CHRM2: variants seen among roughly 807,000 people sequenced by gnomAD.
The protein encoded by CHRM2 is muscarinic acetylcholine receptor M2.
Under a neutral mutation model 25.0 loss-of-function variants are expected in CHRM2, and 8 were observed. That is an observed-to-expected ratio of 0.32 (90% confidence interval 0.19 to 0.58). CHRM2 has a LOEUF of 0.58. Among genes scored for constraint, CHRM2 ranks in the 20% least tolerant of loss-of-function variants. The pLI, the probability that CHRM2 is intolerant of heterozygous loss-of-function variation, is 0.88. For synonymous variants in CHRM2, 202 were observed against 205.7 expected (o/e 0.98, Z 0.15); for missense variants, 440 against 567.1 (o/e 0.78, Z 2.28).
At chr7:137,008,669 G>T (rs78771438) in intron 3 of CHRM2, among the ~76,000 whole-genome samples, 2 of 152,028 alleles carry the variant, frequency 1.3e-5, no homozygotes, top group African/African-American at 4.8e-5. Flanking sequence ...TAGGAAGCAT[G>T]TATACTAAGA....
At chr7:136,919,800 C>T (rs1031701190) in intron 2 of CHRM2, among the ~76,000 whole-genome samples, 1 of 152,136 alleles carries the variant, frequency 6.6e-6, no homozygotes, top group South Asian at 2.1e-4. Context: ...CACTAAGCTT[C>T]TTCTGACTTG....
intron 2 of CHRM2, among the ~76,000 whole-genome samples, chr7:136,897,697 G>GGA (rs1554411548): frequency 3.4e-5 from 5 of 148,090 alleles, no homozygotes; most frequent in South Asian, 2.1e-4. Context: ...ACAGTCATGG[G>GGA]AAAAAAAAAA....
intron 2 of CHRM2, among the ~76,000 whole-genome samples, chr7:136,900,168 C>T (rs945922874): frequency 1.3e-5 from 2 of 152,050 alleles, no homozygotes; most frequent in Admixed American, 6.6e-5. Context: ...CTGATACTAT[C>T]ATCACCACCA....
At chr7:136,921,855 C>T (rs1278725771) in intron 2 of CHRM2, among the ~76,000 whole-genome samples, 1 of 149,904 alleles carries the variant, frequency 6.7e-6, no homozygotes, top group African/African-American at 2.4e-5. Context: ...CATATCTGCT[C>T]ACTGCAACCT....
rs556131186 is a variant in CHRM2 at position 136,956,824 on chromosome 7, A to C, written c.-124-35363A>C. Among the ~76,000 whole-genome samples the C allele has an allele frequency of 5.5e-3, 479 of 86,418 alleles. 2 individuals carry two copies. The highest frequency in any genetic ancestry group is 9.8e-3 in the Non-Finnish European group (362 of 36,994). 56.7% of individuals were successfully genotyped at this position (86,418 alleles called of 152,430 possible). A position where few individuals can be genotyped will look rare whatever the true frequency, so the allele number is the denominator to read the frequency against. ...CAGGGAGGGGGAATGGGATCATATG[A>C]AGGTTTTTTTTTTCCTCTCTCTCTT... On this transcript the variant is annotated intron_variant, in intron 2 of 3. Transcript: ENST00000680005.
At chr7:136,887,269 T>C (rs1351007941) in intron 2 of CHRM2, among the ~76,000 whole-genome samples, 1 of 152,122 alleles carries the variant, frequency 6.6e-6, no homozygotes, top group Non-Finnish European at 1.5e-5. Flanking sequence ...ATTTTAAAAA[T>C]GCTTTGCTTA....
chr7:136,917,125 C>A (rs972154386), intron 2 of CHRM2, among the ~76,000 whole-genome samples: 4 of 150,904 alleles, frequency 2.7e-5, no homozygotes, highest in Admixed American at 2.0e-4. Flanking sequence ...TTTTTACATA[C>A]AACTCAGTGA....
intron 3 of CHRM2, among the ~76,000 whole-genome samples, chr7:136,998,650 C>T (rs1374175164): frequency 6.6e-6 from 1 of 152,122 alleles, no homozygotes; most frequent in African/African-American, 2.4e-5. Flanking sequence ...TTTAATATCA[C>T]ATGCACATGC....
chr7:136,904,451 TTC>T (rs1259833360), intron 2 of CHRM2, among the ~76,000 whole-genome samples: 5 of 151,918 alleles, frequency 3.3e-5, no homozygotes, highest in Non-Finnish European at 2.9e-5. Context: ...GTGCATATGA[TTC>T]TGTTAAAATA....
chr7:136,938,534 G>A, intron 2 of CHRM2: 1 of 929,350 alleles, frequency 1.1e-6, no homozygotes. Context: ...TTGATTGACC[G>A]TGACTGCAGT....
At chr7:136,986,943 A>AT (rs1802896746) in intron 2 of CHRM2, among the ~76,000 whole-genome samples, 1 of 152,058 alleles carries the variant, frequency 6.6e-6, no homozygotes, top group African/African-American at 2.4e-5. Flanking sequence ...TTATTAACTT[A>AT]TTTTTCTACC....
At chr7:136,922,119 C>A (rs1019283524) in intron 2 of CHRM2, among the ~76,000 whole-genome samples, 26 of 152,144 alleles carry the variant, frequency 1.7e-4, no homozygotes, top group African/African-American at 6.0e-4. Flanking sequence ...CCTCAACTGA[C>A]CCCTGGGAGA....
chr7:136,965,842 A>G (rs1353133660), intron 2 of CHRM2, among the ~76,000 whole-genome samples: 1 of 152,032 alleles, frequency 6.6e-6, no homozygotes, highest in Non-Finnish European at 1.5e-5. Flanking sequence ...GAATGTTGGA[A>G]TAATTAGAAT....
chr7:137,003,119 C>A (rs151276618), intron 3 of CHRM2, among the ~76,000 whole-genome samples: 1 of 152,036 alleles, frequency 6.6e-6, no homozygotes, highest in African/African-American at 2.4e-5. Context: ...TAACTGGGTA[C>A]GAAGTTATGG....
intron 2 of CHRM2, among the ~76,000 whole-genome samples, chr7:136,941,556 G>A (rs535556944): frequency 7.9e-5 from 12 of 152,250 alleles, no homozygotes; most frequent in African/African-American, 2.9e-4. Flanking sequence ...TTTCTTTCAC[G>A]CAGCCGAGAG....
At chr7:136,939,570 TTACAA>T (rs955527464) in intron 2 of CHRM2, among the ~76,000 whole-genome samples, 30 of 152,230 alleles carry the variant, frequency 2.0e-4, no homozygotes, top group African/African-American at 7.2e-4. Context: ...ACTTTCCTCT[TTACAA>T]TAAGATTCTG....
intron 2 of CHRM2, among the ~76,000 whole-genome samples, chr7:136,879,819 C>T (rs1796191887): frequency 6.6e-6 from 1 of 151,908 alleles, no homozygotes; most frequent in South Asian, 2.1e-4. Flanking sequence ...ATAAATTTAT[C>T]ATCTAGCATT....
chr7:136,942,045 C>A (rs959222233), intron 2 of CHRM2, among the ~76,000 whole-genome samples: 10 of 152,096 alleles, frequency 6.6e-5, no homozygotes, highest in Admixed American at 5.9e-4. Flanking sequence ...ACCTGTTCAG[C>A]CTGTAGAGTT....
At chr7:136,897,903 G>C (rs1796992040) in intron 2 of CHRM2, among the ~76,000 whole-genome samples, 1 of 151,964 alleles carries the variant, frequency 6.6e-6, no homozygotes, top group Non-Finnish European at 1.5e-5. Flanking sequence ...AATTCTAAAT[G>C]TCATCTCTAT....
Sources: gnomAD v4.1 joint callset for allele counts (sites outside exome capture counted in the v4.1 genomes callset) on GRCh38, gnomAD v4.1.1 for gene constraint, MANE v1.5 for transcripts, NCBI Gene and HGNC (gene_info 2026-07-23, HGNC 2026-07-21) for gene names.